ALG14: variants seen among roughly 807,000 people sequenced by gnomAD.
The protein encoded by ALG14 is UDP-N-acetylglucosamine transferase subunit ALG14.
In ALG14, 17 loss-of-function variants were observed where a neutral mutation model predicts 22.8. The observed-to-expected ratio is 0.75, with a 90% CI of 0.51 to 1.12. The LOEUF (loss-of-function observed/expected upper bound fraction) is 1.12, where lower values mean the gene tolerates loss of function less well. ALG14 is among the 50% of genes most tolerant of loss of function. The pLI is 0.00. For missense variants in ALG14, 288 were observed against 271.8 expected, an observed-to-expected ratio of 1.06 and a Z score of -0.42; for synonymous variants, 89 against 103.7, an observed-to-expected ratio of 0.86 and a Z score of 0.86.
Position 94,977,937 on chromosome 1 carries a change from C to T in ALG14, c.*5139G>A, listed in dbSNP as rs1364793211. On this transcript the variant is annotated 3_prime_UTR_variant, in exon 4 of 4. Transcript: ENST00000370205. Reference sequence around the variant, plus strand: ...AAGTGCTGGGATTACAAGTGTGAAACACTGTGCCCAGCCAGTTTTCAATAA... The same window carrying T: ...AAGTGCTGGGATTACAAGTGTGAAATACTGTGCCCAGCCAGTTTTCAATAA... 1.3e-5 allele frequency: 2 copies of T among 152,222 alleles called. No homozygotes were observed. The highest frequency in any genetic ancestry group is 2.9e-5 in the Non-Finnish European group (2 of 68,092). The allele number at this position is 152,222 out of a possible 1,614,324, so 9.4% of individuals were successfully genotyped here.
intron 3 of ALG14, chr1:95,022,231 G>T: frequency 1.2e-6 from 1 of 808,420 alleles, no homozygotes; most frequent in Non-Finnish European, 1.5e-6. Context: ...TTTTGACACA[G>T]ATGTTGTTCG....
intron 2 of ALG14, among the ~76,000 whole-genome samples, chr1:95,042,135 A>G (rs1674398788): frequency 6.6e-6 from 1 of 152,098 alleles, no homozygotes; most frequent in Admixed American, 6.6e-5. Context: ...CTGTTTTCTA[A>G]TTGTAACTTT....
intron 2 of ALG14, among the ~76,000 whole-genome samples, chr1:95,028,170 ACAAGG>A (rs1181656995): frequency 6.6e-6 from 1 of 152,022 alleles, no homozygotes; most frequent in East Asian, 1.9e-4. Context: ...TTTTTTTGAG[ACAAGG>A]TCTCACTCTG....
At position 94,982,007 on chromosome 1, in the gene ALG14, G is replaced by GAAGT. The variant is rs1259549918; in HGVS notation, c.*1065_*1068dup. ...ACACCCGTGAAACTGGCCCCACTAA[G>GAAGT]AAGTCAGGTTTACCTGAACTTGAAT... On this transcript the variant is annotated 3_prime_UTR_variant, in exon 4 of 4. Transcript: ENST00000370205. 17 of 152,176 alleles carry GAAGT rather than the reference G, an allele frequency of 1.1e-4. No individual in the cohort carries two copies. The East Asian group carries it at 3.1e-3, about 28-fold the overall frequency. The allele number at this position is 152,176 out of a possible 1,614,324, so 9.4% of individuals were successfully genotyped here.
chr1:95,002,043 T>C (rs1673083936), intron 3 of ALG14, among the ~76,000 whole-genome samples: 1 of 152,218 alleles, frequency 6.6e-6, no homozygotes. Flanking sequence ...ATTTCCAGGC[T>C]TAAATTCATG....
At chr1:95,051,936 A>G (rs1026607700) in intron 2 of ALG14, among the ~76,000 whole-genome samples, 1 of 152,198 alleles carries the variant, frequency 6.6e-6, no homozygotes, top group Admixed American at 6.5e-5. Flanking sequence ...AACGCATTAT[A>G]AATTTTACCT....
At chr1:94,995,299 C>T (rs1672880997) in intron 3 of ALG14, among the ~76,000 whole-genome samples, 1 of 152,092 alleles carries the variant, frequency 6.6e-6, no homozygotes, top group Admixed American at 6.5e-5. Flanking sequence ...GAGAGAGATA[C>T]AGATATACAG....
chr1:95,068,389 C>T (rs1379934766), intron 1 of ALG14, among the ~76,000 whole-genome samples: 2 of 152,068 alleles, frequency 1.3e-5, no homozygotes, highest in Non-Finnish European at 2.9e-5. Flanking sequence ...TGGGTTCAAG[C>T]GATTCTCCTG....
chr1:95,061,857 C>T (rs1675163781), intron 2 of ALG14: 1 of 152,224 alleles, frequency 6.6e-6, no homozygotes, highest in East Asian at 1.9e-4. Context: ...GCTGTCCACC[C>T]CTGAACTATC....
At position 95,072,890 on chromosome 1, in the gene ALG14, G is replaced by A. The variant is rs780164458; in HGVS notation, c.9C>T (p.Cys3=). 2.3e-5 allele frequency: 37 copies of A among 1,613,776 alleles called. 1 individual carries two copies. The South Asian group carries it at 4.1e-4, about 18-fold the overall frequency. ...CTGCGGCCGCAGCTAGAACGAGAACGCACACCATGCAGAGAAACGGCGCAT... is the reference window on the plus strand; with the variant it reads ...CTGCGGCCGCAGCTAGAACGAGAACACACACCATGCAGAGAAACGGCGCAT... MV[C]VLVLAAAAGA... The change falls in exon 1 of 4, where the codon TGC becomes TGT. Residue 3 remains cysteine (C), a synonymous_variant. Transcript: ENST00000370205.
At chr1:94,986,690 C>T (rs939165073) in intron 3 of ALG14, among the ~76,000 whole-genome samples, 13 of 151,636 alleles carry the variant, frequency 8.6e-5, no homozygotes, top group African/African-American at 3.1e-4. Flanking sequence ...CCAGGATGGT[C>T]TCGATCTCTT....
chr1:94,997,375 C>T (rs190868819), intron 3 of ALG14, among the ~76,000 whole-genome samples: 35 of 152,208 alleles, frequency 2.3e-4, no homozygotes, highest in Middle Eastern at 3.4e-3. Flanking sequence ...GACTAAAAGC[C>T]GAATCTTGTT....
At chr1:95,053,509 C>T (rs373620098) in intron 2 of ALG14, among the ~76,000 whole-genome samples, 41 of 152,158 alleles carry the variant, frequency 2.7e-4, no homozygotes, top group East Asian at 1.3e-3. Flanking sequence ...AAGACCAATT[C>T]ACAATCACAA....
chr1:95,017,236 C>T (rs1404144492), intron 3 of ALG14, among the ~76,000 whole-genome samples: 1 of 152,060 alleles, frequency 6.6e-6, no homozygotes, highest in African/African-American at 2.4e-5. Context: ...TGAATAAAGT[C>T]CATCAGTAAT....
At chr1:95,050,952 G>A (rs779411083) in intron 2 of ALG14, among the ~76,000 whole-genome samples, 4 of 146,220 alleles carry the variant, frequency 2.7e-5, no homozygotes, top group African/African-American at 5.1e-5. Context: ...TGCAACCTCC[G>A]CCTCCTGGGT....
At chr1:95,063,433 A>T (rs1445845312) in intron 2 of ALG14, among the ~76,000 whole-genome samples, 1 of 152,162 alleles carries the variant, frequency 6.6e-6, no homozygotes. Flanking sequence ...TGGGTTTTAC[A>T]TTTATGTCTT....
chr1:95,003,943 T>C (rs772895953), intron 3 of ALG14, among the ~76,000 whole-genome samples: 1 of 152,230 alleles, frequency 6.6e-6, no homozygotes, highest in African/African-American at 2.4e-5. Flanking sequence ...TCATTCAAAG[T>C]CAGCTAGTAA....
chr1:95,039,991 G>A (rs1024847031), intron 2 of ALG14, among the ~76,000 whole-genome samples: 5 of 151,850 alleles, frequency 3.3e-5, no homozygotes, highest in African/African-American at 9.7e-5. Context: ...TGGGCAACAC[G>A]GCAAAACCCT....
chr1:95,068,378 C>T (rs986266691), intron 1 of ALG14, among the ~76,000 whole-genome samples: 2 of 152,118 alleles, frequency 1.3e-5, no homozygotes, highest in African/African-American at 4.8e-5. Context: ...CCTCTGCCTC[C>T]TGGGTTCAAG....
Sources: gnomAD v4.1 joint callset for allele counts (sites outside exome capture counted in the v4.1 genomes callset) on GRCh38, gnomAD v4.1.1 for gene constraint, MANE v1.5 for transcripts, NCBI Gene and HGNC (gene_info 2026-07-23, HGNC 2026-07-21) for gene names.